The following WDR25 variants were observed in gnomAD, a reference collection of about 807,000 sequenced individuals.
WDR25 encodes WD repeat domain 25, also known as WD repeat-containing protein 25.
Under a neutral mutation model 47.7 loss-of-function variants are expected in WDR25, and 35 were observed. The ratio of observed to expected loss-of-function variants is 0.73; its 90% confidence interval spans 0.56 to 0.97. WDR25 has a LOEUF of 0.97. WDR25 is among the 50% of genes least tolerant of loss of function. WDR25 has a pLI of 0.00. For missense variants in WDR25, 634 were observed against 704.7 expected (o/e 0.90, Z 1.14); for synonymous variants, 248 against 278.9 (o/e 0.89, Z 1.10).
In WDR25 at chr14:100,529,838, G is replaced by A. The variant is rs2030392001; in HGVS notation, c.1432G>A (p.Gly478Ser). Reference protein sequence around the residue: ...EGHKVEGYSVGCECSPGGDLL... With the variant: ...EGHKVEGYSVSCECSPGGDLL... ...TCTGCAGGTGGAGGGCTACTCAGTG[G>A]GCTGCGAGTGCTCCCCAGGCGGTGA... is the stretch of plus-strand genomic sequence containing the variant. The change falls in exon 7 of 7, where the codon GGC (glycine) becomes AGC (serine). Residue 478 changes from glycine to serine, a missense_variant. Coordinates refer to ENST00000402312, the MANE Select transcript of WDR25 (RefSeq NM_001161476.3). This position sits in a 1 kb window ranked among gnomAD's most constrained non-coding sequence, Gnocchi z 5.1. 2.5e-6 allele frequency: 4 copies of A among 1,612,366 alleles called. No homozygotes were observed.
chr14:100,504,982 T>C (rs893684851), intron 4 of WDR25, among the ~76,000 whole-genome samples: 8 of 152,186 alleles, frequency 5.3e-5, no homozygotes, highest in African/African-American at 1.7e-4. Context: ...CTAATGATGG[T>C]GAACATCTTT....
chr14:100,498,366 C>T lies in WDR25; in HGVS notation c.1101+14242C>T, dbSNP rs1214502207. ...CAGAAGGGAGATGAGGAGTGGATAGCTCTCTTTCCCCTCTGCATGCCCCTT... is the reference window on the plus strand; with the variant it reads ...CAGAAGGGAGATGAGGAGTGGATAGTTCTCTTTCCCCTCTGCATGCCCCTT... On this transcript the variant is annotated intron_variant, in intron 4 of 6. Transcript: ENST00000402312. The surrounding 1 kb of genome is among the most constrained non-coding windows in gnomAD (Gnocchi z 4.2). 6.6e-6 allele frequency among the ~76,000 whole-genome samples: 1 copy of T among 152,102 alleles called. No individual in the cohort carries two copies. Among genetic ancestry groups the T allele is most frequent in the Admixed American group, 6.5e-5 (1 of 15,276 alleles).
intron 2 of WDR25, among the ~76,000 whole-genome samples, chr14:100,418,569 A>G (rs1296617830): frequency 6.6e-5 from 10 of 151,132 alleles, no homozygotes; most frequent in Admixed American, 5.3e-4. Flanking sequence ...CCCGGGAGGT[A>G]GAGGTTGCAG....
chr14:100,441,263 C>T (rs1222692847), intron 2 of WDR25, among the ~76,000 whole-genome samples: 2 of 152,116 alleles, frequency 1.3e-5, no homozygotes, highest in Non-Finnish European at 2.9e-5. Context: ...TGATATTGGG[C>T]GCTGTCTCCT....
intron 2 of WDR25, among the ~76,000 whole-genome samples, chr14:100,384,016 G>A (rs927846587): frequency 1.3e-5 from 2 of 152,250 alleles, no homozygotes; most frequent in African/African-American, 2.4e-5. Context: ...AGCTGTGCCC[G>A]CCTGTCCCGA....
At chr14:100,380,418 T>C (rs1217903998) in intron 1 of WDR25, among the ~76,000 whole-genome samples, 1 of 152,228 alleles carries the variant, frequency 6.6e-6, no homozygotes, top group Non-Finnish European at 1.5e-5. Flanking sequence ...ATAGTTTCAA[T>C]TTCAAAAATT....
intron 4 of WDR25, among the ~76,000 whole-genome samples, chr14:100,512,264 A>C (rs73351036): frequency 2.2e-3 from 328 of 152,302 alleles, no homozygotes; most frequent in African/African-American, 7.2e-3. Context: ...AATTTTAAAT[A>C]AAATCTACTT....
At chr14:100,447,073 G>A (rs762708867) in intron 2 of WDR25, among the ~76,000 whole-genome samples, 14 of 152,200 alleles carry the variant, frequency 9.2e-5, no homozygotes, top group Non-Finnish European at 1.5e-4. Context: ...CTAATTCAAC[G>A]CTATTAGAAA....
intron 2 of WDR25, among the ~76,000 whole-genome samples, chr14:100,390,939 A>C (rs142802986): frequency 9.2e-5 from 14 of 152,214 alleles, no homozygotes; most frequent in African/African-American, 4.8e-5. Flanking sequence ...ACGGGCCGGC[A>C]CTTCGTTCAT....
At chr14:100,452,331 G>T (rs188495106) in intron 2 of WDR25, among the ~76,000 whole-genome samples, 1 of 152,218 alleles carries the variant, frequency 6.6e-6, no homozygotes, top group Admixed American at 6.5e-5. Context: ...AAGAGATAGT[G>T]TCCTTACCCC....
At chr14:100,458,185 A>G (rs531287886) in intron 2 of WDR25, among the ~76,000 whole-genome samples, 2 of 152,276 alleles carry the variant, frequency 1.3e-5, no homozygotes, top group East Asian at 3.9e-4. Context: ...TTAAATATAA[A>G]GGGATAGAAA....
At chr14:100,481,769 G>A (rs1243153999) in intron 3 of WDR25, among the ~76,000 whole-genome samples, 1 of 152,114 alleles carries the variant, frequency 6.6e-6, no homozygotes, top group East Asian at 1.9e-4. Context: ...TTTGGTTGTG[G>A]TAGTCCTGTT....
intron 2 of WDR25, among the ~76,000 whole-genome samples, chr14:100,387,761 C>T (rs963367291): frequency 2.0e-5 from 3 of 152,250 alleles, no homozygotes; most frequent in African/African-American, 7.2e-5. Context: ...ACCACTCACG[C>T]TGCCCTCCTG....
intron 3 of WDR25, among the ~76,000 whole-genome samples, chr14:100,475,886 AT>A (rs1038909295): frequency 8.0e-6 from 1 of 125,680 alleles, no homozygotes; most frequent in African/African-American, 4.5e-5. Context: ...GTACCCCCAA[AT>A]ATATATATAT....
chr14:100,509,221 G>A (rs1429389886), intron 4 of WDR25, among the ~76,000 whole-genome samples: 2 of 152,154 alleles, frequency 1.3e-5, no homozygotes, highest in African/African-American at 4.8e-5. Flanking sequence ...TTTGTAGGTA[G>A]ATATTGAATC....
intron 3 of WDR25, chr14:100,481,021 G>A (rs1490102195): frequency 2.3e-6 from 1 of 436,184 alleles, no homozygotes; most frequent in African/African-American, 2.2e-5. Context: ...TGGTGCAGTT[G>A]TCAGCTAAAC....
chr14:100,413,679 T>C (rs897561118), intron 2 of WDR25, among the ~76,000 whole-genome samples: 2 of 152,058 alleles, frequency 1.3e-5, no homozygotes, highest in Non-Finnish European at 2.9e-5. Flanking sequence ...TCCCAAAGTG[T>C]TGGGATTACA....
chr14:100,493,315 A>G (rs149953415), intron 4 of WDR25, among the ~76,000 whole-genome samples: 1 of 152,310 alleles, frequency 6.6e-6, no homozygotes, highest in African/African-American at 2.4e-5. Flanking sequence ...CCTGGCAACC[A>G]TAAATCTACT....
chr14:100,395,088 G>A (rs1165560011), intron 2 of WDR25, among the ~76,000 whole-genome samples: 1 of 152,214 alleles, frequency 6.6e-6, no homozygotes, highest in African/African-American at 2.4e-5. Flanking sequence ...GCTTGGGCTG[G>A]TCATCAGCTT....
Sources: gnomAD v4.1 joint callset for allele counts (sites outside exome capture counted in the v4.1 genomes callset) on GRCh38, gnomAD v4.1.1 for gene constraint, Gnocchi (gnomAD v3.1) non-coding constraint, MANE v1.5 for transcripts, NCBI Gene and HGNC (gene_info 2026-07-23, HGNC 2026-07-21) for gene names.